The following HSD17B12 variants were observed in gnomAD, a reference collection of about 807,000 sequenced individuals.
HSD17B12 encodes the protein hydroxysteroid 17-beta dehydrogenase 12, also known as very-long-chain 3-oxoacyl-CoA reductase.
HSD17B12 carries 32 observed loss-of-function variants against 39.3 expected under a neutral mutation model. That is an observed-to-expected ratio of 0.81 (90% CI 0.61 to 1.09). The LOEUF (loss-of-function observed/expected upper bound fraction) is 1.09, where lower values mean the gene tolerates loss of function less well. HSD17B12 is among the 50% of genes least tolerant of loss of function. The probability of loss-of-function intolerance (pLI) is 0.00; values close to 1 mark genes in which losing one functional copy is unlikely to be tolerated. For missense variants in HSD17B12, 342 were observed against 382.9 expected, an observed-to-expected ratio of 0.89 and a Z score of 0.89; for synonymous variants, 150 against 146.7, an observed-to-expected ratio of 1.02 and a Z score of -0.16.
chr11:43,777,053 T>G (rs1950713162), intron 3 of HSD17B12, among the ~76,000 whole-genome samples: 2 of 152,170 alleles, frequency 1.3e-5, no homozygotes, highest in Admixed American at 1.3e-4. Context: ...GCCTCCAGCT[T>G]TGTTCTTTTG....
chr11:43,739,419 G>C (rs998122742), intron 1 of HSD17B12, among the ~76,000 whole-genome samples: 1 of 152,210 alleles, frequency 6.6e-6, no homozygotes, highest in East Asian at 1.9e-4. Flanking sequence ...GAACAGAAAT[G>C]TATTTTCTCA....
At chr11:43,747,889 C>T (rs1950426704) in intron 1 of HSD17B12, among the ~76,000 whole-genome samples, 1 of 152,096 alleles carries the variant, frequency 6.6e-6, no homozygotes, top group Non-Finnish European at 1.5e-5. Context: ...GGCCCCCACT[C>T]TTTATGCATT....
At chr11:43,818,228 T>C (rs902526596) in intron 6 of HSD17B12, among the ~76,000 whole-genome samples, 1 of 152,152 alleles carries the variant, frequency 6.6e-6, no homozygotes, top group African/African-American at 2.4e-5. Context: ...AATGTTGTGA[T>C]AAGCATTGTA....
intron 1 of HSD17B12, among the ~76,000 whole-genome samples, chr11:43,736,240 C>T (rs902940689): frequency 4.6e-5 from 7 of 151,788 alleles, no homozygotes; most frequent in Non-Finnish European, 8.8e-5. Context: ...GCCTGGAAGT[C>T]GGCCCAGGGG....
chr11:43,623,567 G>T, the HSD17B12 span, among the ~76,000 whole-genome samples: 1 of 151,788 alleles, frequency 6.6e-6, no homozygotes, highest in Non-Finnish European at 1.5e-5. Context: ...TGTCTAAAAA[G>T]AATTACATTT....
chr11:43,811,886 C>T (rs1951076707), intron 4 of HSD17B12, among the ~76,000 whole-genome samples: 1 of 152,074 alleles, frequency 6.6e-6, no homozygotes. Context: ...ACACACCTGC[C>T]CCACCTTCTG....
chr11:43,589,104 A>C, the HSD17B12 span, among the ~76,000 whole-genome samples: 1 of 152,176 alleles, frequency 6.6e-6, no homozygotes, highest in South Asian at 2.1e-4. Context: ...CACCAAGGAA[A>C]AAAATAAGGA....
At chr11:43,583,755 C>G in the HSD17B12 span, among the ~76,000 whole-genome samples, 2 of 152,010 alleles carry the variant, frequency 1.3e-5, no homozygotes, top group Non-Finnish European at 2.9e-5. Flanking sequence ...GCCTTTTGAA[C>G]CAGGGGCCTG....
chr11:43,742,793 C>A (rs762240262), intron 1 of HSD17B12, among the ~76,000 whole-genome samples: 5 of 151,600 alleles, frequency 3.3e-5, no homozygotes, highest in Non-Finnish European at 7.4e-5. Context: ...AATTTTTACA[C>A]TTCTCTGTTT....
chr11:43,588,602 A>G, the HSD17B12 span, among the ~76,000 whole-genome samples: 1 of 140,434 alleles, frequency 7.1e-6, no homozygotes, highest in East Asian at 2.0e-4. Flanking sequence ...AGCTATTATT[A>G]TTATTAGCTA....
chr11:43,607,059 T>C, the HSD17B12 span, among the ~76,000 whole-genome samples: 8 of 152,324 alleles, frequency 5.3e-5, no homozygotes, highest in East Asian at 1.2e-3. Context: ...ATATGTAAAG[T>C]GCTTAGCTCA....
chr11:43,826,297 A>T (rs1951239425), intron 6 of HSD17B12, among the ~76,000 whole-genome samples: 1 of 151,830 alleles, frequency 6.6e-6, no homozygotes. Flanking sequence ...GTTAGCCAGG[A>T]TGGTCTCGAT....
At chr11:43,652,798 ACT>A in the HSD17B12 span, among the ~76,000 whole-genome samples, 4 of 151,728 alleles carry the variant, frequency 2.6e-5, no homozygotes, top group Non-Finnish European at 4.4e-5. Flanking sequence ...AGCTCCCCAC[ACT>A]CTGTCCTCTT....
At chr11:43,740,708 C>T (rs563349949) in intron 1 of HSD17B12, among the ~76,000 whole-genome samples, 11 of 152,352 alleles carry the variant, frequency 7.2e-5, no homozygotes, top group Non-Finnish European at 1.5e-4. Flanking sequence ...AAGTCAGCTT[C>T]CATTAAGCAG....
In HSD17B12 at chr11:43,823,694, G is replaced by C. The variant is rs1247069967; in HGVS notation, c.502-7282G>C. Among the ~76,000 whole-genome samples the C allele has an allele frequency of 2.0e-5, 3 of 152,098 alleles. No individual in the cohort carries two copies. The South Asian group carries it at 6.2e-4, about 32-fold the overall frequency. On this transcript the variant is annotated intron_variant, in intron 6 of 10. Transcript: ENST00000278353. ...TGAATCCTACCTGGGCCTCGCATACGTAAGGTGCACAACACATTTTTTTTT... is the reference window on the plus strand; with the variant it reads ...TGAATCCTACCTGGGCCTCGCATACCTAAGGTGCACAACACATTTTTTTTT...
At chr11:43,567,538 A>C in the HSD17B12 span, among the ~76,000 whole-genome samples, 2 of 152,222 alleles carry the variant, frequency 1.3e-5, no homozygotes, top group African/African-American at 4.8e-5. Context: ...TAGAGAAATG[A>C]AGGAAATGTG....
chr11:43,680,611 GAACTGGAGTCAGCT>G (rs759949403), upstream of HSD17B12: 13 of 573,424 alleles, frequency 2.3e-5, no homozygotes, highest in Non-Finnish European at 4.1e-5. Context: ...AGGGGCAGTG[GAACTGGAGTCAGCT>G]AATGGCTGAC....
chr11:43,589,596 A>G, the HSD17B12 span, among the ~76,000 whole-genome samples: 2 of 152,294 alleles, frequency 1.3e-5, no homozygotes, highest in South Asian at 2.1e-4. Context: ...CCCACAGTCT[A>G]TGCATTGCTT....
At chr11:43,651,303 T>A in the HSD17B12 span, among the ~76,000 whole-genome samples, 2 of 152,202 alleles carry the variant, frequency 1.3e-5, no homozygotes, top group African/African-American at 4.8e-5. Flanking sequence ...TTCATCATAC[T>A]TTCTGTGCTG....
Sources: gnomAD v4.1 joint callset for allele counts (sites outside exome capture counted in the v4.1 genomes callset) on GRCh38, gnomAD v4.1.1 for gene constraint, MANE v1.5 for transcripts, NCBI Gene and HGNC (gene_info 2026-07-23, HGNC 2026-07-21) for gene names.